WDR11: variants seen among roughly 807,000 people sequenced by gnomAD.
The protein encoded by WDR11 is WD repeat domain 11.
A neutral mutation model predicts 151.2 loss-of-function variants in WDR11; 83 were observed. That is an observed-to-expected ratio of 0.55 (90% CI 0.46 to 0.66). The LOEUF (loss-of-function observed/expected upper bound fraction) is 0.66. Among genes scored for constraint, WDR11 ranks in the 30% least tolerant of loss-of-function variants. WDR11 has a pLI of 0.00. For missense variants in WDR11, 1,301 were observed against 1,480.9 expected, an observed-to-expected ratio of 0.88 and a Z score of 1.99; for synonymous variants, 484 against 533.1, an observed-to-expected ratio of 0.91 and a Z score of 1.27.
In WDR11 at chr10:120,903,308, G is replaced by C; in HGVS notation, c.2931+76G>C. On this transcript the variant is annotated intron_variant, in intron 23 of 28. Transcript: ENST00000263461. Reference sequence around the variant, plus strand: ...ATATCTTTGTCAATATCTTAAACTTGGGAAACTTTCAAACTAAGTTACTGT... The same window carrying C: ...ATATCTTTGTCAATATCTTAAACTTCGGAAACTTTCAAACTAAGTTACTGT... 5 of 1,557,804 alleles carry C rather than the reference G, an allele frequency of 3.2e-6. No individual in the cohort carries two copies. The South Asian group carries it at 5.7e-5, about 18-fold the overall frequency.
chr10:120,878,563 T>C lies in WDR11; in HGVS notation c.1663+104T>C, dbSNP rs545156820. The C allele has an allele frequency of 6.3e-4, 524 of 832,116 alleles. 1 individual carries two copies. The African/African-American group carries it at 6.5e-3, about 10-fold the overall frequency. The allele number at this position is 832,116 out of a possible 1,614,324, so 51.5% of individuals were successfully genotyped here. ...TCTTTCACCTTGGAATTTTTTTTTA[T>C]ATTTCATGCTTATATATTTATTCTT... On this transcript the variant is annotated intron_variant, in intron 12 of 28. Transcript: ENST00000263461.
Position 120,905,433 on chromosome 10 carries a change from T to A in WDR11, c.3291+17T>A. ...CTGGCAAAAGTAGGTGGTTCCAAGT[T>A]TCAATAGGTGCCCTCAACATTCGGG... On this transcript the variant is annotated intron_variant, in intron 26 of 28. Coordinates refer to ENST00000263461, the MANE Select transcript of WDR11 (RefSeq NM_018117.12). 1 of 1,613,012 alleles carries A rather than the reference T, an allele frequency of 6.2e-7. No homozygotes were observed. The highest frequency in any genetic ancestry group is 8.5e-7 in the Non-Finnish European group (1 of 1,179,002).
intron 9 of WDR11, among the ~76,000 whole-genome samples, chr10:120,870,489 T>G (rs1490890442): frequency 3.3e-5 from 5 of 152,196 alleles, no homozygotes; most frequent in Admixed American, 1.3e-4. Flanking sequence ...TTTATTGGAG[T>G]CATCTTTTTA....
chr10:120,861,833 A>G (rs1281723635), intron 4 of WDR11, among the ~76,000 whole-genome samples: 1 of 152,172 alleles, frequency 6.6e-6, no homozygotes, highest in African/African-American at 2.4e-5. Context: ...TGTATTGCTA[A>G]ATATGGTGCT....
rs185262816 is a variant in WDR11, at chr10:120,874,884, G to T, written c.1556+961G>T. Among the ~76,000 whole-genome samples, 505 of 151,824 alleles carry T rather than the reference G, an allele frequency of 3.3e-3. 8 individuals are homozygous for T. The highest frequency in any genetic ancestry group is 0.02 in the Admixed American group (303 of 15,236). The stretch of plus-strand genomic sequence containing the variant: ...ACATAGATATACATGTGCCTTGGTG[G>T]TTTGCTGCACCTGTCAACCCGTCAT... On this transcript the variant is annotated intron_variant, in intron 11 of 28. Coordinates refer to ENST00000263461, the MANE Select transcript of WDR11 (RefSeq NM_018117.12).
At chr10:120,866,974 G>T (rs1433351043) in intron 8 of WDR11, 92 bp from the exon 9 acceptor site, 50 of 1,150,356 alleles carry the variant, frequency 4.3e-5, no homozygotes, top group Admixed American at 1.9e-5. Context: ...AAAATAGATA[G>T]AATGCCATAA....
intron 28 of WDR11, 83 bp from the exon 29 acceptor site, chr10:120,908,473 G>T: frequency 6.8e-7 from 1 of 1,470,760 alleles, no homozygotes; most frequent in South Asian, 1.1e-5. Context: ...GAGCAGACGC[G>T]ACTCACCCTT....
intron 2 of WDR11, among the ~76,000 whole-genome samples, chr10:120,857,311 G>A (rs74158329): frequency 0.056 from 8,568 of 152,138 alleles, 806 homozygotes; most frequent in African/African-American, 0.19. Context: ...ATGTATGTTC[G>A]GTGACATTTT....
intron 24 of WDR11, among the ~76,000 whole-genome samples, 154 bp from the exon 25 acceptor site, chr10:120,904,492 A>G (rs566709505): frequency 1.4e-4 from 22 of 152,244 alleles, no homozygotes; most frequent in Non-Finnish European, 3.2e-4. Context: ...AAAGTAGTGT[A>G]GCACCTCTGT....
At chr10:120,884,114 T>G (rs537422426) in intron 14 of WDR11, among the ~76,000 whole-genome samples, 1 of 152,154 alleles carries the variant, frequency 6.6e-6, no homozygotes, top group Non-Finnish European at 1.5e-5. Flanking sequence ...ATTTGGATAT[T>G]TTGAGGAATA....
intron 22 of WDR11, 68 bp downstream of exon 22, chr10:120,902,390 T>TTTA: frequency 7.1e-7 from 1 of 1,417,284 alleles, no homozygotes; most frequent in Non-Finnish European, 9.9e-7. Context: ...TTTAAGGGTT[T>TTTA]TTAGTTAGAA....
rs1261722480 is a variant in WDR11, at chr10:120,904,828, ATG to A, written c.3193+19_3193+20del. 26 of 1,613,978 alleles carry A rather than the reference ATG, an allele frequency of 1.6e-5. No individual in the cohort carries two copies. Among genetic ancestry groups the A allele is most frequent in the Non-Finnish European group, 2.1e-5 (25 of 1,179,968 alleles). On this transcript the variant is annotated intron_variant, in intron 25 of 28. Coordinates refer to ENST00000263461, the MANE Select transcript of WDR11 (RefSeq NM_018117.12). ...AATTGGCAGGTAAGGCACACTTGAT[ATG>A]TTTGTCATCTCTCTGAAAAATGAGA...
chr10:120,894,456 T>C (rs1233992926), intron 19 of WDR11, among the ~76,000 whole-genome samples: 1 of 152,164 alleles, frequency 6.6e-6, no homozygotes, highest in Admixed American at 6.5e-5. Context: ...CTAAACAACC[T>C]GGAACGATCT....
At chr10:120,889,218 TA>T (rs750750588) in intron 17 of WDR11, 34 bp downstream of exon 17, 24 of 1,347,488 alleles carry the variant, frequency 1.8e-5, no homozygotes, top group Admixed American at 3.5e-5. Context: ...GTTATTTCAT[TA>T]AAAAAAAGAA....
In WDR11 at chr10:120,893,314, T is replaced by G. The variant is rs189093576; in HGVS notation, c.2515+2427T>G. Among the ~76,000 whole-genome samples, 590 of 152,250 alleles carry G rather than the reference T, an allele frequency of 3.9e-3. 4 individuals are homozygous for G. The highest frequency in any genetic ancestry group is 0.014 in the African/African-American group (563 of 41,528). ...TTTGCTGAGAATGATGATTTCCAGC[T>G]TCATCCATGTCCCTACAAATGACAT... is the stretch of plus-strand genomic sequence containing the variant. On this transcript the variant is annotated intron_variant, in intron 19 of 28. Coordinates refer to ENST00000263461, the MANE Select transcript of WDR11 (RefSeq NM_018117.12).
chr10:120,877,817 G>A (rs189984716), intron 11 of WDR11, among the ~76,000 whole-genome samples: 16 of 152,200 alleles, frequency 1.1e-4, no homozygotes, highest in East Asian at 5.8e-4. Flanking sequence ...ATACTGTGCC[G>A]GGGACTCATG....
intron 9 of WDR11, among the ~76,000 whole-genome samples, chr10:120,869,237 C>G (rs564373504): frequency 7.0e-6 from 1 of 143,874 alleles, no homozygotes; most frequent in Admixed American, 7.0e-5. Context: ...CAGCCTCCCG[C>G]GTAGCTGGGA....
chr10:120,882,436 T>G (rs1847043185), intron 13 of WDR11, among the ~76,000 whole-genome samples: 2 of 151,968 alleles, frequency 1.3e-5, no homozygotes, highest in Admixed American at 1.3e-4. Context: ...TTGAATGAGT[T>G]TGTGTAGAAT....
chr10:120,888,633 G>A (rs1847308310), intron 16 of WDR11, among the ~76,000 whole-genome samples: 1 of 152,172 alleles, frequency 6.6e-6, no homozygotes, highest in Non-Finnish European at 1.5e-5. Context: ...TGAAGCTCTG[G>A]ATCCTTTTTT....
Sources: allele counts gnomAD v4.1 joint callset (sites outside exome capture counted in the v4.1 genomes callset), GRCh38; gene constraint gnomAD v4.1.1; transcripts MANE v1.5; gene names NCBI Gene and HGNC (gene_info 2026-07-23, HGNC 2026-07-21).